Variants in MIDEAS observed in about 807,000 individuals in gnomAD.
MIDEAS encodes mitotic deacetylase-associated SANT domain protein.
MIDEAS carries 26 observed loss-of-function variants against 102.7 expected under a neutral mutation model. The observed-to-expected ratio is 0.25, with a 90% CI of 0.19 to 0.35. The LOEUF (loss-of-function observed/expected upper bound fraction) is 0.35. Among genes scored for constraint, MIDEAS ranks in the 10% least tolerant of loss-of-function variants. MIDEAS has a pLI of 1.00. For synonymous variants in MIDEAS, 585 were observed against 591.0 expected, an observed-to-expected ratio of 0.99 and a Z score of 0.15; for missense variants, 1,231 against 1,435.6, an observed-to-expected ratio of 0.86 and a Z score of 2.30.
At position 73,729,990 on chromosome 14, in the gene MIDEAS, A is replaced by C; in HGVS notation, c.1750-5T>G. 6.2e-7 allele frequency: 1 copy of C among 1,603,236 alleles called. No individual in the cohort carries two copies. The highest frequency in any genetic ancestry group is 8.5e-7 in the Non-Finnish European group (1 of 1,172,964). ...CTTGACATTCATGTCCTCTGCCTGG[A>C]GAAGGAAAGAAAACAAGGACGGCTC... On this transcript the variant is annotated splice_region_variant and splice_polypyrimidine_tract_variant and intron_variant, in intron 3 of 12. Coordinates refer to ENST00000423556, the MANE Select transcript of MIDEAS (RefSeq NM_001367710.1).
At chr14:73,753,165 A>G (rs956036887) in intron 1 of MIDEAS, among the ~76,000 whole-genome samples, 4 of 152,170 alleles carry the variant, frequency 2.6e-5, no homozygotes, top group Non-Finnish European at 4.4e-5. Context: ...CCCACAGCTG[A>G]GTCCTCCACA....
chr14:73,755,806 G>A (rs2053472687), intron 1 of MIDEAS, among the ~76,000 whole-genome samples: 1 of 152,140 alleles, frequency 6.6e-6, no homozygotes, highest in Non-Finnish European at 1.5e-5. Flanking sequence ...ACTATAAACA[G>A]GACACCCTTC....
At chr14:73,729,111 A>G (rs2053103014) in intron 4 of MIDEAS, 1 of 153,910 alleles carries the variant, frequency 6.5e-6, no homozygotes, top group Non-Finnish European at 1.4e-5. Flanking sequence ...AAGCCAGCCC[A>G]ATATTTCCAG....
Position 73,726,818 on chromosome 14 carries a change from G to A in MIDEAS, c.2305+12C>T. On this transcript the variant is annotated intron_variant, in intron 6 of 12. Coordinates refer to ENST00000423556, the MANE Select transcript of MIDEAS (RefSeq NM_001367710.1). ...GCCTGCCCTCACTTGCTGCCCCCAGGCCCCTCCTCACCTTGCCTCTGCTTC... is the reference window on the plus strand; with the variant it reads ...GCCTGCCCTCACTTGCTGCCCCCAGACCCCTCCTCACCTTGCCTCTGCTTC... The A allele has an allele frequency of 6.2e-7, 1 of 1,607,420 alleles. No homozygotes were observed. The highest frequency in any genetic ancestry group is 8.5e-7 in the Non-Finnish European group (1 of 1,175,086).
Position 73,740,571 on chromosome 14 carries a change from A to C in MIDEAS, c.-247-316T>G, listed in dbSNP as rs78538305. Among the ~76,000 whole-genome samples, 1,516 of 152,316 alleles carry C rather than the reference A, an allele frequency of 1.0e-2. 26 individuals are homozygous for C. Among genetic ancestry groups the C allele is most frequent in the African/African-American group, 0.035 (1,438 of 41,556 alleles). On this transcript the variant is annotated intron_variant, in intron 1 of 12. Transcript: ENST00000423556. ...TTGTGCACTGCATAGGCACATTCTA[A>C]GGCACAGGTGGAGCTGACATCCAGC...
chr14:73,742,248 C>T lies in MIDEAS; in HGVS notation c.-247-1993G>A, dbSNP rs1037457449. ...GGGGGCTGCGAGCCCCTCCAGTGGG[C>T]GCTCACACACACTCACGCCTCCCTT... On this transcript the variant is annotated intron_variant, in intron 1 of 12. Coordinates refer to ENST00000423556, the MANE Select transcript of MIDEAS (RefSeq NM_001367710.1). This position sits in a 1 kb window ranked among gnomAD's most constrained non-coding sequence, Gnocchi z 4.4. 9.9e-5 allele frequency among the ~76,000 whole-genome samples: 15 copies of T among 152,242 alleles called. No individual in the cohort carries two copies. Among genetic ancestry groups the T allele is most frequent in the Non-Finnish European group, 2.1e-4 (14 of 68,048 alleles).
At chr14:73,758,343 G>A (rs1370133685) in intron 1 of MIDEAS, among the ~76,000 whole-genome samples, 1 of 152,204 alleles carries the variant, frequency 6.6e-6, no homozygotes, top group African/African-American at 2.4e-5. Context: ...TTTGGTGGGA[G>A]GCTCTAGAGC....
intron 3 of MIDEAS, among the ~76,000 whole-genome samples, chr14:73,734,927 A>G (rs2053183957): frequency 6.6e-6 from 1 of 152,224 alleles, no homozygotes; most frequent in African/African-American, 2.4e-5. Context: ...GGGATAACAA[A>G]TCAAATCAAT....
At chr14:73,743,998 G>A (rs1046116211) in intron 1 of MIDEAS, among the ~76,000 whole-genome samples, 2 of 151,620 alleles carry the variant, frequency 1.3e-5, no homozygotes, top group South Asian at 4.2e-4. Context: ...AGGCTTTCAG[G>A]AAGTTCTATG....
chr14:73,779,573 A>ATTATT (rs2053729882), intron 1 of MIDEAS, among the ~76,000 whole-genome samples: 1 of 119,992 alleles, frequency 8.3e-6, no homozygotes, highest in Admixed American at 9.0e-5. Flanking sequence ...TATTATTATT[A>ATTATT]TTTTTTTTTT....
upstream of MIDEAS, among the ~76,000 whole-genome samples, chr14:73,764,339 C>CAAAAAAAAAA (rs5809629): frequency 3.3e-4 from 29 of 88,100 alleles, no homozygotes; most frequent in Non-Finnish European, 4.2e-4. Flanking sequence ...GACCCTGTCT[C>CAAAAAAAAAA]AAAAAAAAAA....
At chr14:73,726,576 C>T in intron 7 of MIDEAS, 28 bp downstream of exon 7, 1 of 1,606,662 alleles carries the variant, frequency 6.2e-7, no homozygotes, top group East Asian at 2.2e-5. Flanking sequence ...ACTGAGGGGC[C>T]CTCCCTCTGC....
rs1264012436 is a variant in MIDEAS at position 73,779,555 on chromosome 14, T to TTTA, written c.-248+7544_-248+7546dup. ...CATTCTTTTATTTTTTTTTAATTTG[T>TTTA]TTATTATTATTATTATTATTTTTTT... On this transcript the variant is annotated intron_variant, in intron 1 of 11. Coordinates refer to the MIDEAS transcript ENST00000394071. Among the ~76,000 whole-genome samples the TTTA allele has an allele frequency of 9.8e-4, 108 of 110,636 alleles. 1 individual carries two copies. Among genetic ancestry groups the TTTA allele is most frequent in the African/African-American group, 2.2e-3 (69 of 30,724 alleles). 72.6% of individuals were successfully genotyped at this position (110,636 alleles called of 152,430 possible).
chr14:73,726,024 C>T lies in MIDEAS; in HGVS notation c.2485+9G>A, dbSNP rs1456575394. 5.7e-6 allele frequency: 9 copies of T among 1,585,542 alleles called. No homozygotes were observed. The South Asian group carries it at 1.0e-4, about 18-fold the overall frequency. On this transcript the variant is annotated intron_variant, in intron 8 of 12. Coordinates refer to ENST00000423556, the MANE Select transcript of MIDEAS (RefSeq NM_001367710.1). ...CTCCAGGCACCATGCCCACCGCAGC[C>T]AGGCCCACCTGTGTAGTGATAAGTT...
In MIDEAS at chr14:73,742,670, G is replaced by A. The variant is rs943703423; in HGVS notation, c.-247-2415C>T. On this transcript the variant is annotated intron_variant, in intron 1 of 12. Transcript: ENST00000423556. This position sits in a 1 kb window ranked among gnomAD's most constrained non-coding sequence, Gnocchi z 4.4. Reference sequence around the variant, plus strand: ...AAGAAATCAGGGGGCCTGGTTTGGGGAAGGCTGAATCACCCCAGAAACTTC... The same window carrying A: ...AAGAAATCAGGGGGCCTGGTTTGGGAAAGGCTGAATCACCCCAGAAACTTC... 1.3e-5 allele frequency among the ~76,000 whole-genome samples: 2 copies of A among 152,204 alleles called. No individual in the cohort carries two copies. The highest frequency in any genetic ancestry group is 1.3e-4 in the Admixed American group (2 of 15,282).
At chr14:73,746,709 G>A (rs899457836) in intron 1 of MIDEAS, among the ~76,000 whole-genome samples, 5 of 105,958 alleles carry the variant, frequency 4.7e-5, no homozygotes, top group Admixed American at 4.4e-4. Flanking sequence ...ACTCTGCCCT[G>A]GGCCAAAGAT....
intron 1 of MIDEAS, among the ~76,000 whole-genome samples, chr14:73,767,501 G>A (rs1310641807): frequency 6.6e-6 from 1 of 152,144 alleles, no homozygotes; most frequent in Admixed American, 6.5e-5. Flanking sequence ...AGCCAGGTGT[G>A]GTGGTATGCA....
intron 7 of MIDEAS, 70 bp from the exon 8 acceptor site, chr14:73,726,178 CCT>C: frequency 7.7e-7 from 1 of 1,292,158 alleles, no homozygotes; most frequent in Non-Finnish European, 1.1e-6. Flanking sequence ...CATTCTAGGC[CCT>C]GATAAAATCC....
Position 73,738,788 on chromosome 14 carries a change from C to G in MIDEAS, c.1221G>C (p.Ser407=). 3 of 1,582,322 alleles carry G rather than the reference C, an allele frequency of 1.9e-6. No individual in the cohort carries two copies. Among genetic ancestry groups the G allele is most frequent in the Non-Finnish European group, 2.6e-6 (3 of 1,163,120 alleles). The change falls in exon 2 of 13, where the codon TCG becomes TCC. Residue 407 remains serine, a synonymous_variant. Coordinates refer to ENST00000423556, the MANE Select transcript of MIDEAS (RefSeq NM_001367710.1). ...ALGFPLELRE[S]QLLPDGERLA... ...GTCTCTCCCCATCAGGCAGTAGCTG[C>G]GACTCCCTCAGCTCCAGCGGGAATC...
Sources: gnomAD v4.1 joint callset for allele counts (sites outside exome capture counted in the v4.1 genomes callset) on GRCh38, gnomAD v4.1.1 for gene constraint, Gnocchi (gnomAD v3.1) non-coding constraint, MANE v1.5 for transcripts, NCBI Gene and HGNC (gene_info 2026-07-23, HGNC 2026-07-21) for gene names.